The following SLC35F1 variants were observed in gnomAD, a reference collection of about 807,000 sequenced individuals.
The protein encoded by SLC35F1 is solute carrier family 35 member F1.
SLC35F1 carries 14 observed loss-of-function variants against 48.7 expected under a neutral mutation model. The ratio of observed to expected loss-of-function variants is 0.29; its 90% CI spans 0.19 to 0.45. SLC35F1 has a LOEUF of 0.45. Ranked by LOEUF, SLC35F1 falls within the 20% of genes least tolerant of loss-of-function variation. SLC35F1 has a pLI of 1.00. For missense variants in SLC35F1, 404 were observed against 500.0 expected (o/e 0.81, Z 1.83); for synonymous variants, 190 against 202.2 (o/e 0.94, Z 0.51).
intron 2 of SLC35F1, among the ~76,000 whole-genome samples, chr6:118,206,065 G>A (rs778191547): frequency 2.0e-5 from 3 of 152,044 alleles, no homozygotes; most frequent in East Asian, 1.9e-4. Context: ...AGATGGTGAC[G>A]GTGATTTCAC....
At chr6:118,028,211 T>C (rs1216291166) in intron 1 of SLC35F1, among the ~76,000 whole-genome samples, 2 of 152,156 alleles carry the variant, frequency 1.3e-5, no homozygotes, top group Non-Finnish European at 2.9e-5. Context: ...AATAGATGGA[T>C]TGAGAGACTC....
chr6:118,297,491 T>G (rs929775071), intron 7 of SLC35F1, among the ~76,000 whole-genome samples: 3 of 151,826 alleles, frequency 2.0e-5, no homozygotes, highest in African/African-American at 4.8e-5. Flanking sequence ...GAAGTGCTAT[T>G]GGGTTAGCAG....
intron 1 of SLC35F1, among the ~76,000 whole-genome samples, chr6:118,107,656 G>C (rs1389885800): frequency 6.6e-6 from 1 of 152,020 alleles, no homozygotes; most frequent in Non-Finnish European, 1.5e-5. Context: ...AATAAAAAAG[G>C]CTATCAAAAT....
intron 3 of SLC35F1, among the ~76,000 whole-genome samples, chr6:118,244,488 A>G (rs1384441109): frequency 6.6e-6 from 1 of 152,254 alleles, no homozygotes; most frequent in Non-Finnish European, 1.5e-5. Context: ...GGGGTGACTT[A>G]TGCAGAAATT....
At chr6:118,208,123 T>TCACA (rs60151250) in intron 2 of SLC35F1, among the ~76,000 whole-genome samples, 23 of 150,604 alleles carry the variant, frequency 1.5e-4, no homozygotes, top group East Asian at 9.8e-4. Context: ...GCGCGCGCGA[T>TCACA]CACACACACA....
intron 1 of SLC35F1, among the ~76,000 whole-genome samples, chr6:118,001,478 A>C (rs9481755): frequency 0.36 from 55,175 of 152,112 alleles, 10,678 homozygotes; most frequent in South Asian, 0.51. Context: ...TAAACGTCAG[A>C]TCTAAAACCA....
intron 1 of SLC35F1, among the ~76,000 whole-genome samples, chr6:118,152,543 C>G (rs889622295): frequency 1.3e-5 from 2 of 152,142 alleles, no homozygotes; most frequent in African/African-American, 4.8e-5. Context: ...AATCCAGAAG[C>G]CTCACTCACT....
At chr6:118,236,758 G>T (rs530971920) in intron 3 of SLC35F1, among the ~76,000 whole-genome samples, 8 of 152,202 alleles carry the variant, frequency 5.3e-5, no homozygotes, top group Non-Finnish European at 1.0e-4. Context: ...ACTGATAAGG[G>T]AGACCTGAGC....
chr6:118,123,172 G>A (rs1204795707), intron 1 of SLC35F1, among the ~76,000 whole-genome samples: 1 of 152,012 alleles, frequency 6.6e-6, no homozygotes, highest in Non-Finnish European at 1.5e-5. Context: ...CTATAAACTA[G>A]AGATAAAAAC....
chr6:118,309,863 T>C (rs979594311), intron 7 of SLC35F1, among the ~76,000 whole-genome samples: 4 of 152,214 alleles, frequency 2.6e-5, no homozygotes, highest in African/African-American at 9.6e-5. Context: ...TACAGGCTTA[T>C]TATCCATCCT....
chr6:118,056,514 G>A (rs1318729642), intron 1 of SLC35F1, among the ~76,000 whole-genome samples: 3 of 152,142 alleles, frequency 2.0e-5, no homozygotes, highest in Non-Finnish European at 4.4e-5. Context: ...ATTCTGGATA[G>A]TGCTTTGAAA....
intron 2 of SLC35F1, among the ~76,000 whole-genome samples, chr6:118,158,815 G>T (rs1482218259): frequency 6.6e-6 from 1 of 152,160 alleles, no homozygotes; most frequent in Non-Finnish European, 1.5e-5. Context: ...AAAAATTTGG[G>T]TACTATCTTC....
chr6:118,013,548 A>G (rs968755465), intron 1 of SLC35F1, among the ~76,000 whole-genome samples: 11 of 152,218 alleles, frequency 7.2e-5, no homozygotes, highest in Non-Finnish European at 1.2e-4. Flanking sequence ...AGGAAAGTGC[A>G]TTTCTCCTTT....
intron 1 of SLC35F1, among the ~76,000 whole-genome samples, chr6:118,025,175 A>C (rs1166128815): frequency 6.6e-6 from 1 of 152,158 alleles, no homozygotes; most frequent in Non-Finnish European, 1.5e-5. Context: ...AGCACATTAA[A>C]TGTAGTTGTA....
intron 3 of SLC35F1, among the ~76,000 whole-genome samples, chr6:118,255,594 C>A (rs538211707): frequency 2.0e-5 from 3 of 152,294 alleles, no homozygotes; most frequent in Admixed American, 6.5e-5. Flanking sequence ...TCATTTCTTT[C>A]TTTCTTTCTT....
intron 1 of SLC35F1, among the ~76,000 whole-genome samples, chr6:117,908,461 T>C (rs1454501777): frequency 1.3e-5 from 2 of 152,186 alleles, no homozygotes; most frequent in Non-Finnish European, 2.9e-5. Context: ...TCTCGGACTC[T>C]TCCTGGCTGG....
intron 7 of SLC35F1, among the ~76,000 whole-genome samples, chr6:118,290,187 G>A (rs544847485): frequency 6.7e-6 from 1 of 150,372 alleles, no homozygotes; most frequent in Non-Finnish European, 1.5e-5. Flanking sequence ...CTAAGTTTTT[G>A]TTCACATCCA....
chr6:118,182,519 AGAAG>A (rs10529265), intron 2 of SLC35F1, among the ~76,000 whole-genome samples: 1,087 of 106,332 alleles, frequency 0.01, 11 homozygotes, highest in Middle Eastern at 0.02. Flanking sequence ...AGAGAGAGAG[AGAAG>A]GAAGGAAGGA....
At chr6:118,167,295 A>G (rs894738136) in intron 2 of SLC35F1, among the ~76,000 whole-genome samples, 1 of 152,190 alleles carries the variant, frequency 6.6e-6, no homozygotes, top group East Asian at 1.9e-4. Flanking sequence ...AAAAGCATTT[A>G]CAGTCATGCC....
Sources: gnomAD v4.1 joint callset for allele counts (sites outside exome capture counted in the v4.1 genomes callset) on GRCh38, gnomAD v4.1.1 for gene constraint, MANE v1.5 for transcripts, NCBI Gene and HGNC (gene_info 2026-07-23, HGNC 2026-07-21) for gene names.